Variants in LHFPL6 observed in about 807,000 individuals in gnomAD.
The protein encoded by LHFPL6 is LHFPL tetraspan subfamily member 6, also known as LHFPL tetraspan subfamily member 6 protein.
In LHFPL6, 9 loss-of-function variants were observed where a neutral mutation model predicts 20.6. That is an observed-to-expected ratio of 0.44 (90% confidence interval 0.26 to 0.76). The LOEUF (loss-of-function observed/expected upper bound fraction) is 0.76. Ranked by LOEUF, LHFPL6 falls within the 30% of genes least tolerant of loss-of-function variation. LHFPL6 has a pLI of 0.20. For missense variants in LHFPL6, 218 were observed against 253.5 expected (o/e 0.86, Z 0.95); for synonymous variants, 105 against 98.7 (o/e 1.06, Z -0.38).
intron 2 of LHFPL6, among the ~76,000 whole-genome samples, chr13:39,562,695 C>CACACACAT (rs765672489): frequency 2.7e-5 from 4 of 146,388 alleles, no homozygotes; most frequent in African/African-American, 1.0e-4. Flanking sequence ...CACACACACA[C>CACACACAT]ATATATATAT....
At chr13:39,426,640 CCACG>C (rs1439293039) in intron 2 of LHFPL6, among the ~76,000 whole-genome samples, 2 of 152,250 alleles carry the variant, frequency 1.3e-5, no homozygotes, top group South Asian at 2.1e-4. Context: ...CAAGGTTCAC[CCACG>C]GTGCACCACA....
At chr13:39,443,520 TA>T (rs1872196290) in intron 2 of LHFPL6, among the ~76,000 whole-genome samples, 1 of 152,090 alleles carries the variant, frequency 6.6e-6, no homozygotes, top group Non-Finnish European at 1.5e-5. Flanking sequence ...AGCAAGCTAG[TA>T]AAAGCTTGGA....
chr13:39,548,310 T>A (rs1871040874), intron 2 of LHFPL6, among the ~76,000 whole-genome samples: 1 of 152,066 alleles, frequency 6.6e-6, no homozygotes. Context: ...CTTATGGTTG[T>A]TGTTACTCTG....
chr13:39,430,537 C>T (rs929200506), intron 2 of LHFPL6, among the ~76,000 whole-genome samples: 1 of 152,198 alleles, frequency 6.6e-6, no homozygotes, highest in African/African-American at 2.4e-5. Flanking sequence ...GAAAACTGAT[C>T]TGAGACATCA....
At chr13:39,567,655 C>A (rs9548826) in intron 2 of LHFPL6, among the ~76,000 whole-genome samples, 51,499 of 151,762 alleles carry the variant, frequency 0.34, 9,823 homozygotes, top group Non-Finnish European at 0.43. Flanking sequence ...TTTGAAAACA[C>A]ATAAACCATT....
At chr13:39,435,581 G>GAATTAATTCAA (rs1555262360) in intron 2 of LHFPL6, among the ~76,000 whole-genome samples, 1 of 152,120 alleles carries the variant, frequency 6.6e-6, no homozygotes, top group Non-Finnish European at 1.5e-5. Flanking sequence ...AGAATTATGC[G>GAATTAATTCAA]TGAGTAAATT....
At chr13:39,354,589 G>A (rs1005136306) in intron 3 of LHFPL6, among the ~76,000 whole-genome samples, 2 of 152,104 alleles carry the variant, frequency 1.3e-5, no homozygotes, top group South Asian at 4.1e-4. Context: ...GGATGGGAAA[G>A]AAGTTCAACA....
rs76793929 is a variant in LHFPL6 at position 39,373,666 on chromosome 13, G to C, written c.484+4762C>G. ...GCACAGCTGAAATGTAACCATTTCTGGCACACCAGAGGTATTCTTTGCTTG... is the reference window on the plus strand; with the variant it reads ...GCACAGCTGAAATGTAACCATTTCTCGCACACCAGAGGTATTCTTTGCTTG... On this transcript the variant is annotated intron_variant, in intron 3 of 3. Transcript: ENST00000379589. 7.9e-4 allele frequency among the ~76,000 whole-genome samples: 121 copies of C among 152,292 alleles called. No homozygotes were observed. In the East Asian group the frequency reaches 0.018, roughly 22 times the overall value.
At chr13:39,515,057 T>C (rs1457732144) in intron 2 of LHFPL6, among the ~76,000 whole-genome samples, 1 of 152,240 alleles carries the variant, frequency 6.6e-6, no homozygotes, top group Non-Finnish European at 1.5e-5. Flanking sequence ...TTGAACTGCG[T>C]TCATTGGATC....
rs1003628251 is a variant in LHFPL6, at chr13:39,526,827, C to T, written c.385+74005G>A. Among the ~76,000 whole-genome samples, 4 of 152,202 alleles carry T rather than the reference C, an allele frequency of 2.6e-5. No individual in the cohort carries two copies. The South Asian group carries it at 8.3e-4, about 32-fold the overall frequency. On this transcript the variant is annotated intron_variant, in intron 2 of 3. Transcript: ENST00000379589. ...TTCGAAGGCTTTAAGTGACGCTTCACTTAGGCAGAAACTGAAATGTTGAAA... is the reference window on the plus strand; with the variant it reads ...TTCGAAGGCTTTAAGTGACGCTTCATTTAGGCAGAAACTGAAATGTTGAAA...
At chr13:39,539,353 A>G (rs1177692664) in intron 2 of LHFPL6, among the ~76,000 whole-genome samples, 6 of 152,162 alleles carry the variant, frequency 3.9e-5, no homozygotes, top group Non-Finnish European at 8.8e-5. Flanking sequence ...TGAAATAACC[A>G]TATGAGCAGG....
chr13:39,528,808 A>G (rs182369031), intron 2 of LHFPL6, among the ~76,000 whole-genome samples: 19 of 152,310 alleles, frequency 1.2e-4, no homozygotes, highest in Admixed American at 1.2e-3. Flanking sequence ...TTCCCTGTAA[A>G]TTCATTTTTC....
At chr13:39,588,914 A>C (rs911111421) in intron 2 of LHFPL6, among the ~76,000 whole-genome samples, 1 of 152,208 alleles carries the variant, frequency 6.6e-6, no homozygotes, top group African/African-American at 2.4e-5. Context: ...CCATAAAATG[A>C]AACTTTCTTT....
At chr13:39,562,693 C>CAT (rs71080310) in intron 2 of LHFPL6, among the ~76,000 whole-genome samples, 4 of 137,390 alleles carry the variant, frequency 2.9e-5, no homozygotes, top group Non-Finnish European at 1.6e-5. Flanking sequence ...CACACACACA[C>CAT]ACATATATAT....
intron 2 of LHFPL6, among the ~76,000 whole-genome samples, chr13:39,522,536 G>A (rs565096235): frequency 1.9e-3 from 282 of 152,256 alleles, no homozygotes; most frequent in African/African-American, 6.5e-3. Context: ...CCCGCTCCAC[G>A]CACTCAGCTG....
At chr13:39,353,232 C>T (rs1365562108) in intron 3 of LHFPL6, among the ~76,000 whole-genome samples, 2 of 151,056 alleles carry the variant, frequency 1.3e-5, no homozygotes, top group Non-Finnish European at 1.5e-5. Flanking sequence ...ATAATCCAGC[C>T]GCCTCGGCCT....
At chr13:39,507,976 CT>C (rs1181494115) in intron 2 of LHFPL6, among the ~76,000 whole-genome samples, 1 of 139,222 alleles carries the variant, frequency 7.2e-6, no homozygotes, top group Non-Finnish European at 1.5e-5. Flanking sequence ...CTCCCCTCCC[CT>C]TTCTTTTCCC....
chr13:39,467,301 C>G (rs1252786696), intron 2 of LHFPL6, among the ~76,000 whole-genome samples: 1 of 152,160 alleles, frequency 6.6e-6, no homozygotes, highest in Non-Finnish European at 1.5e-5. Flanking sequence ...GCATTTCATA[C>G]ACATTTGCTG....
chr13:39,440,090 T>C (rs1166570728), intron 2 of LHFPL6, among the ~76,000 whole-genome samples: 1 of 152,156 alleles, frequency 6.6e-6, no homozygotes. Flanking sequence ...AGAAGTCTCA[T>C]CATGGTTTAA....
Sources: gnomAD v4.1 joint callset for allele counts (sites outside exome capture counted in the v4.1 genomes callset) on GRCh38, gnomAD v4.1.1 for gene constraint, MANE v1.5 for transcripts, NCBI Gene and HGNC (gene_info 2026-07-23, HGNC 2026-07-21) for gene names.